The following DDAH1 variants were observed in gnomAD, a reference collection of about 807,000 sequenced individuals.
The protein encoded by DDAH1 is N(G),N(G)-dimethylarginine dimethylaminohydrolase 1.
A neutral mutation model predicts 28.8 loss-of-function variants in DDAH1; 19 were observed. The ratio of observed to expected loss-of-function variants is 0.66; its 90% CI spans 0.46 to 0.97. DDAH1 has a LOEUF of 0.97. Among genes scored for constraint, DDAH1 ranks in the 50% least tolerant of loss-of-function variants. The pLI, the probability that DDAH1 is intolerant of heterozygous loss-of-function variation, is 0.00. For synonymous variants in DDAH1, 153 were observed against 154.4 expected, an observed-to-expected ratio of 0.99 and a Z score of 0.07; for missense variants, 326 against 375.9, an observed-to-expected ratio of 0.87 and a Z score of 1.10.
chr1:85,532,451 T>C (rs1490709503), intron 1 of DDAH1, among the ~76,000 whole-genome samples: 2 of 152,168 alleles, frequency 1.3e-5, no homozygotes, highest in Admixed American at 1.3e-4. Context: ...AAGAATTGAG[T>C]TCAACACAAG....
intron 1 of DDAH1, among the ~76,000 whole-genome samples, chr1:85,498,901 G>A (rs1034768896): frequency 2.0e-5 from 3 of 152,002 alleles, no homozygotes; most frequent in African/African-American, 4.8e-5. Context: ...CAGCCTGGGC[G>A]ACAAAGTGAG....
In DDAH1 at chr1:85,321,521, A is replaced by T; in HGVS notation, c.789T>A (p.Ser263=). 1 of 1,614,220 alleles carries T rather than the reference A, an allele frequency of 6.2e-7. No homozygotes were observed. Among genetic ancestry groups the T allele is most frequent in the Non-Finnish European group, 8.5e-7 (1 of 1,180,026 alleles). Residue 263 remains serine, a synonymous_variant, in exon 6 of 6, where the codon TCT becomes TCA. Coordinates refer to ENST00000284031, the MANE Select transcript of DDAH1 (RefSeq NM_012137.4). ...GCAGCCCATCCACCTTTTCCAGTTCAGACATGCTCACGGGGATCAGCATAT... is the reference window on the plus strand; with the variant it reads ...GCAGCCCATCCACCTTTTCCAGTTCTGACATGCTCACGGGGATCAGCATAT... ...KDHMLIPVSM[S]ELEKVDGLLT... is the part of the protein sequence containing the mutation.
At chr1:85,470,744 G>C (rs1016248504) in intron 2 of DDAH1, among the ~76,000 whole-genome samples, 1 of 152,198 alleles carries the variant, frequency 6.6e-6, no homozygotes, top group Non-Finnish European at 1.5e-5. Context: ...TACAGACCCA[G>C]AGATGGTTCC....
At chr1:85,345,100 C>T (rs1570405882) in intron 4 of DDAH1, among the ~76,000 whole-genome samples, 1 of 152,162 alleles carries the variant, frequency 6.6e-6, no homozygotes, top group African/African-American at 2.4e-5. Flanking sequence ...CCATGACTGC[C>T]TCCCTTCATC....
chr1:85,353,052 A>G (rs943858224), intron 2 of DDAH1, among the ~76,000 whole-genome samples: 11 of 152,192 alleles, frequency 7.2e-5, no homozygotes, highest in Non-Finnish European at 1.2e-4. Context: ...TACACATTCC[A>G]TATATTTGAA....
chr1:85,529,749 T>TA, intron 1 of DDAH1, among the ~76,000 whole-genome samples: 1 of 148,216 alleles, frequency 6.7e-6, no homozygotes, highest in African/African-American at 2.5e-5. Context: ...GTTGCGTCCC[T>TA]ACCCTAACAC....
chr1:85,545,521 C>T lies in DDAH1; in HGVS notation c.-123+32463G>A, dbSNP rs551818700. ...CAGGCCCATCCTGGCAGCAGTGGGG[C>T]CTGCTTTCTCTAGCTGTGAATGACC... On this transcript the variant is annotated intron_variant, in intron 1 of 6. Transcript: ENST00000426972. Among the ~76,000 whole-genome samples, 375 of 152,242 alleles carry T rather than the reference C, an allele frequency of 2.5e-3. 3 individuals are homozygous for T. Among genetic ancestry groups the T allele is most frequent in the African/African-American group, 8.8e-3 (364 of 41,550 alleles).
intron 4 of DDAH1, among the ~76,000 whole-genome samples, chr1:85,336,322 A>C (rs1189588212): frequency 1.3e-5 from 2 of 152,224 alleles, no homozygotes; most frequent in African/African-American, 4.8e-5. Context: ...TTAAAAAATC[A>C]AAATCATGAC....
chr1:85,442,106 G>A (rs1483357416), intron 1 of DDAH1, among the ~76,000 whole-genome samples: 1 of 151,830 alleles, frequency 6.6e-6, no homozygotes, highest in Non-Finnish European at 1.5e-5. Context: ...GTATACATGT[G>A]CCATGTTGGT....
At chr1:85,434,944 A>C (rs1378144360) in intron 1 of DDAH1, among the ~76,000 whole-genome samples, 1 of 152,070 alleles carries the variant, frequency 6.6e-6, no homozygotes, top group Admixed American at 6.5e-5. Flanking sequence ...AAATCTTGAC[A>C]GTATATAATA....
intron 1 of DDAH1, among the ~76,000 whole-genome samples, chr1:85,391,976 T>C (rs1190747039): frequency 1.3e-5 from 2 of 152,220 alleles, no homozygotes; most frequent in African/African-American, 2.4e-5. Flanking sequence ...CTGTGATTTC[T>C]ACTTTATCTA....
chr1:85,520,861 G>C (rs1212779081), intron 1 of DDAH1, among the ~76,000 whole-genome samples: 24 of 152,258 alleles, frequency 1.6e-4, no homozygotes, highest in Non-Finnish European at 2.9e-4. Flanking sequence ...AAATAGAAGA[G>C]GTAGATTAAC....
chr1:85,435,655 G>A (rs986245832), intron 1 of DDAH1, among the ~76,000 whole-genome samples: 52 of 152,220 alleles, frequency 3.4e-4, no homozygotes, highest in African/African-American at 4.8e-5. Context: ...AAAGTGGTCT[G>A]TATAGGCCTC....
At chr1:85,369,451 C>T (rs1000635729) in intron 1 of DDAH1, among the ~76,000 whole-genome samples, 3 of 152,150 alleles carry the variant, frequency 2.0e-5, no homozygotes, top group African/African-American at 7.2e-5. Flanking sequence ...GCCATACAAC[C>T]TCTGTGACCT....
intron 1 of DDAH1, among the ~76,000 whole-genome samples, chr1:85,451,442 A>G (rs796393638): frequency 1.3e-5 from 2 of 152,314 alleles, no homozygotes; most frequent in South Asian, 2.1e-4. Flanking sequence ...TTTATTCACC[A>G]TAACAATGCT....
intron 4 of DDAH1, 110 bp from the exon 5 acceptor site, chr1:85,324,993 C>T: frequency 7.6e-7 from 1 of 1,322,824 alleles, no homozygotes; most frequent in South Asian, 1.6e-5. Context: ...TAGGCTGTTC[C>T]TCTGTTCAAA....
intron 1 of DDAH1, among the ~76,000 whole-genome samples, chr1:85,577,178 G>A (rs1659637150): frequency 6.6e-6 from 1 of 152,180 alleles, no homozygotes; most frequent in Non-Finnish European, 1.5e-5. Context: ...CTCGCGTCCC[G>A]CACCCTCTCG....
At chr1:85,438,806 G>A (rs1654057851) in intron 1 of DDAH1, among the ~76,000 whole-genome samples, 1 of 152,204 alleles carries the variant, frequency 6.6e-6, no homozygotes, top group South Asian at 2.1e-4. Flanking sequence ...TTTTAGGTAT[G>A]ATATACTGAT....
rs561653274 is a variant in DDAH1 at position 85,574,901 on chromosome 1, A to C, written c.-123+3083T>G. Among the ~76,000 whole-genome samples the C allele has an allele frequency of 2.2e-3, 336 of 151,956 alleles. 5 individuals are homozygous for C. The East Asian group carries it at 0.029, about 13-fold the overall frequency. On this transcript the variant is annotated intron_variant, in intron 1 of 6. Transcript: ENST00000426972. ...TCTCTCTCTCTCTCTCTATATATAT[A>C]TATATGTAATTAATTATAACATAGT...
Sources: allele counts gnomAD v4.1 joint callset (sites outside exome capture counted in the v4.1 genomes callset), GRCh38; gene constraint gnomAD v4.1.1; transcripts MANE v1.5; gene names NCBI Gene and HGNC (gene_info 2026-07-23, HGNC 2026-07-21).